Variants in DIP2B observed in about 807,000 individuals in gnomAD.
DIP2B encodes the protein DIP2 acetate--CoA ligase B (putative).
A neutral mutation model predicts 198.0 loss-of-function variants in DIP2B; 76 were observed. The observed-to-expected ratio is 0.38, with a 90% confidence interval of 0.32 to 0.46. DIP2B has a LOEUF of 0.46. Ranked by LOEUF, DIP2B falls within the 20% of genes least tolerant of loss-of-function variation. The pLI is 0.99. For synonymous variants in DIP2B, 701 were observed against 739.1 expected (o/e 0.95, Z 0.84); for missense variants, 1,559 against 1,978.4 (o/e 0.79, Z 4.02).
At chr12:50,744,033 ACT>A (rs1940302680) in intron 37 of DIP2B, among the ~76,000 whole-genome samples, 1 of 151,958 alleles carries the variant, frequency 6.6e-6, no homozygotes, top group African/African-American at 2.4e-5. Context: ...ACAGAGTCTC[ACT>A]CTGTTGCCCA....
At chr12:50,602,577 A>G (rs1958946358) in intron 1 of DIP2B, among the ~76,000 whole-genome samples, 1 of 152,114 alleles carries the variant, frequency 6.6e-6, no homozygotes, top group African/African-American at 2.4e-5. Flanking sequence ...TTTAATATTT[A>G]GGGGGCTGGG....
intron 1 of DIP2B, among the ~76,000 whole-genome samples, chr12:50,528,226 C>G (rs929122184): frequency 2.0e-5 from 3 of 151,490 alleles, no homozygotes; most frequent in Non-Finnish European, 2.9e-5. Flanking sequence ...TGTGCCTGAC[C>G]CTTCTTTTTT....
intron 26 of DIP2B, 65 bp from the exon 27 acceptor site, chr12:50,723,137 C>CT: frequency 6.3e-7 from 1 of 1,584,858 alleles, no homozygotes; most frequent in African/African-American, 1.4e-5. Context: ...GAAAATTTGC[C>CT]TTTTAGTTTC....
chr12:50,687,783 G>A (rs1939156638), intron 12 of DIP2B, among the ~76,000 whole-genome samples: 2 of 151,986 alleles, frequency 1.3e-5, no homozygotes, highest in South Asian at 2.1e-4. Context: ...CCTAATGCAT[G>A]CGGGGCTTAA....
chr12:50,678,125 T>C (rs998983728), intron 7 of DIP2B, among the ~76,000 whole-genome samples: 1 of 150,060 alleles, frequency 6.7e-6, no homozygotes, highest in Admixed American at 6.7e-5. Flanking sequence ...ACATGGGATA[T>C]TGTGGTTTAT....
intron 4 of DIP2B, among the ~76,000 whole-genome samples, chr12:50,661,803 A>C: frequency 6.6e-6 from 1 of 152,222 alleles, no homozygotes; most frequent in Non-Finnish European, 1.5e-5. Flanking sequence ...GCAGCATGAC[A>C]TGTAGTTCTT....
chr12:50,693,154 A>C, intron 14 of DIP2B, 141 bp downstream of exon 14: 1 of 728,206 alleles, frequency 1.4e-6, no homozygotes, highest in Non-Finnish European at 2.2e-6. Flanking sequence ...AGGCTATATA[A>C]CCTTTCCACT....
At chr12:50,648,394 C>G (rs575281004) in intron 3 of DIP2B, among the ~76,000 whole-genome samples, 4 of 152,034 alleles carry the variant, frequency 2.6e-5, no homozygotes, top group Non-Finnish European at 5.9e-5. Flanking sequence ...GACGGAGTCT[C>G]GCTCTGTTGC....
At chr12:50,548,184 T>G (rs1958393862) in intron 1 of DIP2B, among the ~76,000 whole-genome samples, 1 of 152,160 alleles carries the variant, frequency 6.6e-6, no homozygotes, top group South Asian at 2.1e-4. Context: ...GTAAGGAACT[T>G]TTACTTCTTA....
chr12:50,711,328 C>T (rs1481315103), intron 22 of DIP2B, among the ~76,000 whole-genome samples: 1 of 152,176 alleles, frequency 6.6e-6, no homozygotes, highest in Non-Finnish European at 1.5e-5. Context: ...CCTAACTCAG[C>T]ACTTTCTAAG....
Position 50,675,335 on chromosome 12 carries a change from C to G in DIP2B, c.803C>G (p.Pro268Arg). 1.2e-6 allele frequency: 2 copies of G among 1,611,528 alleles called. No homozygotes were observed. Among genetic ancestry groups the G allele is most frequent in the Non-Finnish European group, 1.7e-6 (2 of 1,178,416 alleles). The change falls in exon 7 of 38, where the codon CCT (proline) becomes CGT (arginine). Residue 268 changes from proline (P) to arginine (R), a missense_variant. By Grantham distance (103) the Pro-to-Arg change is moderately radical. Transcript: ENST00000301180. ...SSLMDTADGV[P>R]VSSRVSTKIQ... ...ACCATTTTTTCCCTTATAGGTGTTC[C>G]TGTCAGTAGCAGAGTATCTACAAAA... is the stretch of plus-strand genomic sequence containing the variant.
chr12:50,650,723 G>T (rs1298514747), intron 3 of DIP2B, among the ~76,000 whole-genome samples: 1 of 152,156 alleles, frequency 6.6e-6, no homozygotes, highest in East Asian at 1.9e-4. Context: ...TGGGGATTTG[G>T]TTGCTTCCAC....
chr12:50,737,042 C>T lies in DIP2B; in HGVS notation c.4108C>T (p.Pro1370Ser). The change falls in exon 35 of 38, where the codon CCT (proline) becomes TCT (serine). Residue 1370 changes from proline to serine, a missense_variant. Coordinates refer to ENST00000301180, the MANE Select transcript of DIP2B (RefSeq NM_173602.3). ...LLLSESGKIL[P>S]GVKVVIVNPE... is the part of the protein sequence containing the mutation. Reference sequence around the variant, plus strand: ...TTTTCCCTTTGATTCTTAGATTTTACCTGGAGTGAAAGTGGTTATTGTTAA... The same window carrying T: ...TTTTCCCTTTGATTCTTAGATTTTATCTGGAGTGAAAGTGGTTATTGTTAA... 1 of 1,613,702 alleles carries T rather than the reference C, an allele frequency of 6.2e-7. No homozygotes were observed. The highest frequency in any genetic ancestry group is 8.5e-7 in the Non-Finnish European group (1 of 1,179,768).
In DIP2B at chr12:50,732,465, G is replaced by A. The variant is rs368529889; in HGVS notation, c.3910G>A (p.Asp1304Asn). Reference sequence around the variant, plus strand: ...GCAGTCCTTCTCTAAGCTCTTCAAAGACATCGGGCTGTCCCCGCGGGCTGT... The same window carrying A: ...GCAGTCCTTCTCTAAGCTCTTCAAAAACATCGGGCTGTCCCCGCGGGCTGT... ...LQQSFSKLFK[D>N]IGLSPRAVST... The change falls in exon 32 of 38, where the codon GAC (aspartate) becomes AAC (asparagine). Residue 1304 changes from aspartate (D) to asparagine (N), a missense_variant. By Grantham distance (23) the Asp-to-Asn change is conservative. Coordinates refer to ENST00000301180, the MANE Select transcript of DIP2B (RefSeq NM_173602.3). 1.9e-6 allele frequency: 3 copies of A among 1,614,106 alleles called. No individual in the cohort carries two copies. The highest frequency in any genetic ancestry group is 2.5e-6 in the Non-Finnish European group (3 of 1,180,050).
At chr12:50,505,556 T>C in intron 1 of DIP2B, among the ~76,000 whole-genome samples, 1 of 152,136 alleles carries the variant, frequency 6.6e-6, no homozygotes, top group Non-Finnish European at 1.5e-5. Flanking sequence ...CCCAGGCGTC[T>C]GGCCCAGGTG....
intron 1 of DIP2B, among the ~76,000 whole-genome samples, chr12:50,551,891 C>T (rs1958430197): frequency 6.6e-6 from 1 of 152,180 alleles, no homozygotes; most frequent in Admixed American, 6.5e-5. Context: ...GCAGATATTT[C>T]CTCAAGACCC....
At chr12:50,563,793 G>A (rs912617462) in intron 1 of DIP2B, among the ~76,000 whole-genome samples, 7 of 141,538 alleles carry the variant, frequency 4.9e-5, no homozygotes, top group African/African-American at 1.8e-4. Flanking sequence ...ACCTTGCCCA[G>A]CCTAATTTTT....
chr12:50,701,226 A>G (rs950459262), intron 19 of DIP2B, among the ~76,000 whole-genome samples: 6 of 152,236 alleles, frequency 3.9e-5, no homozygotes, highest in African/African-American at 1.4e-4. Context: ...TGTACCAGAA[A>G]AGGACAAAGC....
At chr12:50,725,650 T>C (rs1454111911) in intron 28 of DIP2B, among the ~76,000 whole-genome samples, 3 of 152,230 alleles carry the variant, frequency 2.0e-5, no homozygotes, top group Admixed American at 1.3e-4. Flanking sequence ...TGATAACATC[T>C]AATCTTCATT....
Sources: gnomAD v4.1 joint callset for allele counts (sites outside exome capture counted in the v4.1 genomes callset) on GRCh38, gnomAD v4.1.1 for gene constraint, MANE v1.5 for transcripts, NCBI Gene and HGNC (gene_info 2026-07-23, HGNC 2026-07-21) for gene names.